Variants in NRCAM observed in about 807,000 individuals in gnomAD.
NRCAM encodes NgCAM-related cell adhesion molecule.
A neutral mutation model predicts 156.5 loss-of-function variants in NRCAM; 83 were observed. The ratio of observed to expected loss-of-function variants is 0.53; its 90% confidence interval spans 0.44 to 0.64. The LOEUF is 0.64. Ranked by LOEUF, NRCAM falls within the 30% of genes least tolerant of loss-of-function variation. NRCAM has a pLI of 0.00. For missense variants in NRCAM, 1,417 were observed against 1,597.3 expected (o/e 0.89, Z 1.92); for synonymous variants, 538 against 563.9 (o/e 0.95, Z 0.65).
chr7:108,408,578 T>C (rs1008405229), intron 1 of NRCAM, among the ~76,000 whole-genome samples: 5 of 152,236 alleles, frequency 3.3e-5, no homozygotes, highest in African/African-American at 1.2e-4. Flanking sequence ...TGTCTTCACA[T>C]ACAGATACCA....
At chr7:108,385,074 A>G (rs1194121114) in intron 2 of NRCAM, among the ~76,000 whole-genome samples, 1 of 152,236 alleles carries the variant, frequency 6.6e-6, no homozygotes, top group Non-Finnish European at 1.5e-5. Context: ...AATCTGTAGC[A>G]TCTGATCCTA....
rs1563286948 is a variant in NRCAM at position 108,180,237 on chromosome 7, T to C, written c.2837A>G (p.Asn946Ser). Residue 946 changes from asparagine (N) to serine (S), a missense_variant, in exon 25 of 33, where the codon AAT becomes AGT. Asn to Ser is a conservative substitution (Grantham distance 46). Around this residue, in one of 2 missense-constraint regions of NRCAM, gnomAD observed 1,238 missense variants for 1,336.4 expected, o/e 0.93. Transcript: ENST00000379028. ...CCATTCCATACCTCCTTCTGGAGTA[T>C]TAAAGACTCTGTCAGGGCTGGCTGG... is the stretch of plus-strand genomic sequence containing the variant. ...EGPASPDRVF[N>S]TPEGVPSAPS... 2.5e-6 allele frequency: 4 copies of C among 1,614,008 alleles called. No individual in the cohort carries two copies. The highest frequency in any genetic ancestry group is 1.7e-5 in the Admixed American group (1 of 60,006).
intron 32 of NRCAM, among the ~76,000 whole-genome samples, chr7:108,153,136 T>C (rs432422): frequency 0.76 from 115,878 of 151,998 alleles, 45,367 homozygotes; most frequent in Non-Finnish European, 0.86. Flanking sequence ...CCAATAAGAA[T>C]GCTTTAAGAA....
intron 2 of NRCAM, among the ~76,000 whole-genome samples, chr7:108,333,325 C>T (rs1256882107): frequency 6.6e-6 from 1 of 152,098 alleles, no homozygotes; most frequent in East Asian, 1.9e-4. Context: ...TCTAGAATAT[C>T]TCTATATAAG....
intron 2 of NRCAM, among the ~76,000 whole-genome samples, chr7:108,328,849 C>T (rs1179484467): frequency 1.3e-5 from 2 of 152,116 alleles, no homozygotes; most frequent in African/African-American, 2.4e-5. Context: ...AAATCTTGTA[C>T]TAACTCAAAA....
intron 23 of NRCAM, 65 bp downstream of exon 23, chr7:108,182,630 T>C (rs897577460): frequency 1.4e-6 from 2 of 1,439,540 alleles, no homozygotes; most frequent in Admixed American, 1.8e-5. Flanking sequence ...CAAGGAGAAA[T>C]GGCCTTGGCT....
At chr7:108,274,710 T>C (rs1327169778) in intron 3 of NRCAM, among the ~76,000 whole-genome samples, 1 of 152,172 alleles carries the variant, frequency 6.6e-6, no homozygotes, top group African/African-American at 2.4e-5. Context: ...CTTCCTCTTT[T>C]CCTAATTGAA....
At chr7:108,413,312 C>T (rs1368532965) in intron 1 of NRCAM, among the ~76,000 whole-genome samples, 17 of 152,098 alleles carry the variant, frequency 1.1e-4, no homozygotes. Flanking sequence ...ATATCTGTTG[C>T]CCATTTGTAT....
intron 8 of NRCAM, among the ~76,000 whole-genome samples, chr7:108,227,165 G>A (rs2093607744): frequency 6.6e-6 from 1 of 152,172 alleles, no homozygotes; most frequent in African/African-American, 2.4e-5. Context: ...CTGGAACAGT[G>A]CCTGGCCCTT....
chr7:108,200,737 TACACACACACAC>T (rs61489479), intron 13 of NRCAM, among the ~76,000 whole-genome samples: 5,005 of 135,052 alleles, frequency 0.037, 269 homozygotes, highest in African/African-American at 0.12. Context: ...GATAAAGAAA[TACACACACACAC>T]ACACACACAC....
chr7:108,372,883 AG>A (rs1166238707), intron 2 of NRCAM, among the ~76,000 whole-genome samples: 1 of 152,174 alleles, frequency 6.6e-6, no homozygotes, highest in African/African-American at 2.4e-5. Flanking sequence ...AACATCTCAA[AG>A]GAATATGTGC....
chr7:108,291,489 T>C (rs1414514889), intron 3 of NRCAM, among the ~76,000 whole-genome samples: 1 of 152,212 alleles, frequency 6.6e-6, no homozygotes, highest in Non-Finnish European at 1.5e-5. Flanking sequence ...GAGTTTGTAC[T>C]TTCTCAAATG....
chr7:108,198,863 C>T (rs977522373), intron 13 of NRCAM, among the ~76,000 whole-genome samples: 1 of 152,182 alleles, frequency 6.6e-6, no homozygotes, highest in African/African-American at 2.4e-5. Flanking sequence ...ACGTTAGGAA[C>T]AGGCTTGATC....
At chr7:108,153,428 T>C (rs2042945279) in intron 32 of NRCAM, among the ~76,000 whole-genome samples, 2 of 152,246 alleles carry the variant, frequency 1.3e-5, no homozygotes, top group South Asian at 4.1e-4. Flanking sequence ...ATAGAATGTA[T>C]TTTTATTCCT....
At chr7:108,253,464 G>A (rs560298552) in intron 3 of NRCAM, among the ~76,000 whole-genome samples, 2 of 152,184 alleles carry the variant, frequency 1.3e-5, no homozygotes, top group Non-Finnish European at 2.9e-5. Flanking sequence ...AAGTCCAAGC[G>A]TATAGTGTGT....
At chr7:108,160,633 A>G (rs1283891971) in intron 30 of NRCAM, 141 bp from the exon 31 acceptor site, 1 of 592,820 alleles carries the variant, frequency 1.7e-6, no homozygotes. Context: ...TCTGTCAATT[A>G]TTAATCAGGA....
chr7:108,411,173 T>C (rs1006575453), intron 1 of NRCAM, among the ~76,000 whole-genome samples: 2 of 152,258 alleles, frequency 1.3e-5, no homozygotes, highest in Non-Finnish European at 2.9e-5. Flanking sequence ...TGTGAAATGT[T>C]ATTAATATAG....
At position 108,207,511 on chromosome 7, in the gene NRCAM, C is replaced by T. The variant is rs2081813020; in HGVS notation, c.1207+17G>A. On this transcript the variant is annotated intron_variant, in intron 13 of 32. Coordinates refer to ENST00000379028, the MANE Select transcript of NRCAM (RefSeq NM_001037132.4). ...TCTGAAAATATACTGCAATTAGAAC[C>T]ACTCAAGGCAACTTACTTTCTATTG... is the stretch of plus-strand genomic sequence containing the variant. The T allele has an allele frequency of 6.2e-7, 1 of 1,611,482 alleles. No individual in the cohort carries two copies. Among genetic ancestry groups the T allele is most frequent in the South Asian group, 1.1e-5 (1 of 90,542 alleles).
At chr7:108,261,083 G>C (rs1467460336) in intron 3 of NRCAM, among the ~76,000 whole-genome samples, 1 of 152,094 alleles carries the variant, frequency 6.6e-6, no homozygotes, top group East Asian at 1.9e-4. Context: ...ACAGAAAGGG[G>C]CTGAAAACAA....
Sources: gnomAD v4.1 joint callset for allele counts (sites outside exome capture counted in the v4.1 genomes callset) on GRCh38, gnomAD v4.1.1 for gene constraint, gnomAD v4.1.1 regional missense constraint, MANE v1.5 for transcripts, NCBI Gene and HGNC (gene_info 2026-07-23, HGNC 2026-07-21) for gene names.